Variants in SNX9 observed in about 807,000 individuals in gnomAD.
SNX9 encodes the protein sorting nexin 9.
In SNX9, 44 loss-of-function variants were observed where a neutral mutation model predicts 89.4. The ratio of observed to expected loss-of-function variants is 0.49; its 90% CI spans 0.39 to 0.63. SNX9 has a LOEUF of 0.63. SNX9 is among the 30% of genes least tolerant of loss of function. The probability of loss-of-function intolerance (pLI) is 0.00; values close to 1 mark genes in which losing one functional copy is unlikely to be tolerated. For synonymous variants in SNX9, 236 were observed against 247.8 expected, an observed-to-expected ratio of 0.95 and a Z score of 0.45; for missense variants, 578 against 736.1, an observed-to-expected ratio of 0.79 and a Z score of 2.49.
At chr6:157,894,465 TAAAAAAAAAAAAA>T (rs1173887333) in intron 4 of SNX9, among the ~76,000 whole-genome samples, 1 of 100,732 alleles carries the variant, frequency 9.9e-6, no homozygotes, top group East Asian at 2.7e-4. Flanking sequence ...ATTTAAATGT[TAAAAAAAAAAAAA>T]AAAAAAAAGC....
intron 4 of SNX9, 125 bp from the exon 5 acceptor site, chr6:157,896,702 T>G: frequency 9.1e-7 from 1 of 1,104,710 alleles, no homozygotes; most frequent in Non-Finnish European, 1.3e-6. Flanking sequence ...AAAATTGTTT[T>G]GAATACATTT....
intron 1 of SNX9, among the ~76,000 whole-genome samples, chr6:157,834,155 T>TG: frequency 1.5e-5 from 1 of 67,008 alleles, no homozygotes; most frequent in Admixed American, 1.3e-4. Flanking sequence ...CTGTGGTTTT[T>TG]TTTTTTTTTT....
At chr6:157,885,923 G>A (rs531617847) in intron 4 of SNX9, among the ~76,000 whole-genome samples, 1 of 152,292 alleles carries the variant, frequency 6.6e-6, no homozygotes, top group East Asian at 1.9e-4. Flanking sequence ...TAGACCCTTT[G>A]TACATGTTTG....
At chr6:157,899,864 C>T (rs1382956880) in intron 5 of SNX9, among the ~76,000 whole-genome samples, 1 of 152,034 alleles carries the variant, frequency 6.6e-6, no homozygotes, top group African/African-American at 2.4e-5. Context: ...AAGCGCTTAA[C>T]ATATCCCTCA....
chr6:157,838,218 G>C (rs1781622606), intron 1 of SNX9, among the ~76,000 whole-genome samples: 1 of 151,908 alleles, frequency 6.6e-6, no homozygotes, highest in Admixed American at 6.6e-5. Flanking sequence ...TTGCCATGTT[G>C]CCCAGGCTGG....
intron 17 of SNX9, among the ~76,000 whole-genome samples, chr6:157,942,272 C>T (rs1416252161): frequency 6.6e-6 from 1 of 152,168 alleles, no homozygotes; most frequent in African/African-American, 2.4e-5. Context: ...TGTTTAGCAT[C>T]CAGGGATGGA....
chr6:157,909,196 C>T (rs1174701902), intron 7 of SNX9, among the ~76,000 whole-genome samples: 1 of 152,208 alleles, frequency 6.6e-6, no homozygotes, highest in Non-Finnish European at 1.5e-5. Flanking sequence ...GTTCCTGATC[C>T]ACCGTGAGAT....
intron 1 of SNX9, among the ~76,000 whole-genome samples, chr6:157,834,870 G>A (rs138870273): frequency 7.9e-5 from 12 of 152,198 alleles, no homozygotes; most frequent in Non-Finnish European, 1.6e-4. Context: ...TATGTAAAGC[G>A]TATTCAATGT....
At chr6:157,891,904 G>A (rs1344128083) in intron 4 of SNX9, among the ~76,000 whole-genome samples, 1 of 152,216 alleles carries the variant, frequency 6.6e-6, no homozygotes, top group Non-Finnish European at 1.5e-5. Context: ...TTAGTGGCAG[G>A]TAGGGAGAAT....
At chr6:157,834,149 GGTTTTTTTTTTTTTTTTTT>G (rs1781529365) in intron 1 of SNX9, among the ~76,000 whole-genome samples, 1 of 60,066 alleles carries the variant, frequency 1.7e-5, no homozygotes, top group African/African-American at 6.6e-5. Flanking sequence ...TGTCCACTGT[GGTTTTTTTTTTTTTTTTTT>G]TTTTTTTTTT....
intron 14 of SNX9, 146 bp from the exon 15 acceptor site, chr6:157,937,288 C>T: frequency 2.1e-6 from 1 of 479,172 alleles, no homozygotes; most frequent in Non-Finnish European, 3.7e-6. Context: ...GAGTTATTTT[C>T]TTTTAGAAAA....
At chr6:157,926,387 T>TA (rs1403912907) in intron 10 of SNX9, among the ~76,000 whole-genome samples, 10 of 152,222 alleles carry the variant, frequency 6.6e-5, no homozygotes, top group Middle Eastern at 3.4e-3. Flanking sequence ...TTAATATTTT[T>TA]AAAAAAATAG....
intron 13 of SNX9, among the ~76,000 whole-genome samples, chr6:157,932,616 A>C (rs911988167): frequency 4.6e-5 from 7 of 151,934 alleles, no homozygotes; most frequent in African/African-American, 1.7e-4. Flanking sequence ...CTATAATTCC[A>C]ACACTTTGGG....
chr6:157,889,140 TGTCA>T (rs1782800783), intron 4 of SNX9, among the ~76,000 whole-genome samples: 1 of 151,924 alleles, frequency 6.6e-6, no homozygotes, highest in Non-Finnish European at 1.5e-5. Context: ...AGAACAAAAA[TGTCA>T]GAGACATCAG....
chr6:157,907,365 T>G (rs1783238521), intron 7 of SNX9, among the ~76,000 whole-genome samples: 1 of 152,098 alleles, frequency 6.6e-6, no homozygotes, highest in African/African-American at 2.4e-5. Flanking sequence ...CACTGCAACC[T>G]CTGCCTCCCG....
In SNX9 at chr6:157,823,961, G is replaced by T. The variant is rs1781291633; in HGVS notation, c.12+515G>T. On this transcript the variant is annotated intron_variant, in intron 1 of 17. Coordinates refer to ENST00000392185, the MANE Select transcript of SNX9 (RefSeq NM_016224.5). This position sits in a 1 kb window ranked among gnomAD's most constrained non-coding sequence, Gnocchi z 4.6. The stretch of plus-strand genomic sequence containing the variant: ...CCCGGCCTGCGGGGGCTCGCGGCCG[G>T]GGAGGGACCGAGGCTGGGACGCCCC... Among the ~76,000 whole-genome samples, 1 of 152,190 alleles carries T rather than the reference G, an allele frequency of 6.6e-6. No individual in the cohort carries two copies. The highest frequency in any genetic ancestry group is 2.1e-4 in the South Asian group (1 of 4,836).
intron 9 of SNX9, among the ~76,000 whole-genome samples, chr6:157,917,400 T>C (rs997715347): frequency 1.8e-4 from 28 of 152,182 alleles, no homozygotes; most frequent in African/African-American, 6.8e-4. Flanking sequence ...TTTTGAGATA[T>C]TTCCGCTATC....
chr6:157,848,818 G>A lies in SNX9; in HGVS notation c.13-18729G>A, dbSNP rs529819252. Among the ~76,000 whole-genome samples the A allele has an allele frequency of 1.2e-4, 18 of 152,344 alleles. 1 individual carries two copies. The highest frequency in any genetic ancestry group is 4.1e-4 in the African/African-American group (17 of 41,574). ...GGGTAGTGTTATAAGGCCGTCCATG[G>A]GAGGGATAGATACGTAACCGATTTT... On this transcript the variant is annotated intron_variant, in intron 1 of 17. Coordinates refer to ENST00000392185, the MANE Select transcript of SNX9 (RefSeq NM_016224.5).
intron 4 of SNX9, among the ~76,000 whole-genome samples, chr6:157,878,018 G>C (rs1339521422): frequency 8.5e-5 from 13 of 152,190 alleles, no homozygotes; most frequent in Admixed American, 8.5e-4. Context: ...CTGCATTTCA[G>C]AGTAACTAGT....
Sources: gnomAD v4.1 joint callset for allele counts (sites outside exome capture counted in the v4.1 genomes callset) on GRCh38, gnomAD v4.1.1 for gene constraint, Gnocchi (gnomAD v3.1) non-coding constraint, MANE v1.5 for transcripts, NCBI Gene and HGNC (gene_info 2026-07-23, HGNC 2026-07-21) for gene names.